Variants in IPO8 observed in about 807,000 individuals in gnomAD.
IPO8 encodes importin 8.
Under a neutral mutation model 141.2 loss-of-function variants are expected in IPO8, and 65 were observed. The observed-to-expected ratio is 0.46, with a 90% CI of 0.38 to 0.57. The LOEUF is 0.57. IPO8 is among the 20% of genes least tolerant of loss of function. IPO8 has a pLI of 0.00. For missense variants in IPO8, 980 were observed against 1,246.8 expected (o/e 0.79, Z 3.22); for synonymous variants, 411 against 420.3 (o/e 0.98, Z 0.27).
At chr12:30,639,849 CTT>C (rs1317195627) in intron 20 of IPO8, 114 bp from the exon 21 acceptor site, 1 of 695,938 alleles carries the variant, frequency 1.4e-6, no homozygotes, top group African/African-American at 1.8e-5. Context: ...GGCAATGAGA[CTT>C]TTGACTAAAT....
chr12:30,666,269 T>C lies in IPO8; in HGVS notation c.1145-18A>G, dbSNP rs758263691. The C allele has an allele frequency of 1.3e-6, 2 of 1,510,654 alleles. No homozygotes were observed. Among genetic ancestry groups the C allele is most frequent in the Non-Finnish European group, 1.8e-6 (2 of 1,105,928 alleles). The allele number at this position is 1,510,654 out of a possible 1,614,324, so 93.6% of individuals were successfully genotyped here. On this transcript the variant is annotated intron_variant, in intron 10 of 24. Transcript: ENST00000256079. ...AAAAATATCTAAGATTTTAAAAGGT[T>C]AAAACCATGTTAGTGAAAATATAAT...
chr12:30,659,172 G>A (rs893252654), intron 16 of IPO8, among the ~76,000 whole-genome samples: 34 of 152,150 alleles, frequency 2.2e-4, no homozygotes, highest in South Asian at 8.3e-4. Context: ...GAGCCACCGC[G>A]CCGGGCCTTA....
rs1042388757 is a variant in IPO8 at position 30,639,669 on chromosome 12, G to A, written c.2335C>T (p.Arg779Cys). The A allele has an allele frequency of 2.5e-6, 4 of 1,614,086 alleles. No individual in the cohort carries two copies. The highest frequency in any genetic ancestry group is 3.4e-6 in the Non-Finnish European group (4 of 1,180,008). The change falls in exon 21 of 25, where the codon CGT (arginine) becomes TGT (cysteine). Residue 779 changes from arginine (R) to cysteine (C), a missense_variant. Arg to Cys is a radical substitution (Grantham distance 180). Around this residue, in one of 3 missense-constraint regions of IPO8, gnomAD observed 924 missense variants for 1,153.9 expected, o/e 0.80. Coordinates refer to ENST00000256079, the MANE Select transcript of IPO8 (RefSeq NM_006390.4). ...LTRGVKTSEL[R>C]TMCLQVAIAA... is the part of the protein sequence containing the mutation. ...ATTGCAACCTGAAGACACATAGTACGAAGCTCACTAGTTTTGACCCCTCGA... is the reference window on the plus strand; with the variant it reads ...ATTGCAACCTGAAGACACATAGTACAAAGCTCACTAGTTTTGACCCCTCGA...
intron 2 of IPO8, among the ~76,000 whole-genome samples, chr12:30,686,921 T>A (rs2053248249): frequency 6.6e-6 from 1 of 152,000 alleles, no homozygotes. Context: ...CCTAAATAAA[T>A]GTACAATGAG....
intron 23 of IPO8, among the ~76,000 whole-genome samples, chr12:30,632,896 C>T (rs1307070882): frequency 1.3e-5 from 2 of 152,224 alleles, no homozygotes; most frequent in Admixed American, 1.3e-4. Flanking sequence ...AGCCCAACTG[C>T]GTTCCTTCAC....
intron 8 of IPO8, among the ~76,000 whole-genome samples, chr12:30,672,945 T>C (rs562412273): frequency 6.6e-6 from 1 of 151,280 alleles, no homozygotes; most frequent in East Asian, 1.9e-4. Context: ...ATGCTGACAA[T>C]AAAGAGCTAT....
intron 2 of IPO8, among the ~76,000 whole-genome samples, chr12:30,690,118 CG>C (rs1337061023): frequency 6.6e-6 from 1 of 152,182 alleles, no homozygotes; most frequent in African/African-American, 2.4e-5. Context: ...TGATTTGCCA[CG>C]TAACAGAGCT....
chr12:30,642,449 T>G (rs2052587476), intron 20 of IPO8, among the ~76,000 whole-genome samples: 1 of 151,996 alleles, frequency 6.6e-6, no homozygotes. Flanking sequence ...AAAAAAGAAT[T>G]ATCTGTGTAC....
intron 10 of IPO8, among the ~76,000 whole-genome samples, chr12:30,666,558 A>C (rs781344558): frequency 1.3e-5 from 2 of 152,194 alleles, no homozygotes; most frequent in Non-Finnish European, 2.9e-5. Flanking sequence ...AACAACAAAA[A>C]TTCACTCAGC....
chr12:30,688,513 C>T, intron 2 of IPO8: 1 of 339,136 alleles, frequency 2.9e-6, no homozygotes, highest in Non-Finnish European at 5.7e-6. Context: ...TCACAACATT[C>T]TTTTTTAAGT....
chr12:30,666,666 T>C (rs2052970137), intron 10 of IPO8, among the ~76,000 whole-genome samples: 1 of 152,138 alleles, frequency 6.6e-6, no homozygotes, highest in Non-Finnish European at 1.5e-5. Flanking sequence ...AGAAACACAT[T>C]ATACATATAT....
chr12:30,695,438 C>T lies in IPO8; in HGVS notation c.84+126G>A. ...GGGGCAGCGGGGTCGGAGAGCGGGA[C>T]CAGCCGTGAGGCGTCAGCCCCAGCC... On this transcript the variant is annotated intron_variant, in intron 1 of 24. Coordinates refer to ENST00000256079, the MANE Select transcript of IPO8 (RefSeq NM_006390.4). The surrounding 1 kb of genome is among the most constrained non-coding windows in gnomAD (Gnocchi z 4.2). 2.7e-6 allele frequency: 2 copies of T among 747,052 alleles called. No homozygotes were observed. Among genetic ancestry groups the T allele is most frequent in the Admixed American group, 2.6e-5 (1 of 38,652 alleles). 46.3% of individuals were successfully genotyped at this position (747,052 alleles called of 1,614,324 possible).
intron 2 of IPO8, among the ~76,000 whole-genome samples, chr12:30,688,961 A>C (rs1418843135): frequency 6.6e-6 from 1 of 152,132 alleles, no homozygotes; most frequent in Non-Finnish European, 1.5e-5. Flanking sequence ...AATAAGCGAA[A>C]TGTCCATCAA....
intron 22 of IPO8, 104 bp downstream of exon 22, chr12:30,636,878 A>C (rs1447274216): frequency 1.0e-6 from 1 of 955,902 alleles, no homozygotes; most frequent in African/African-American, 1.6e-5. Context: ...AGCAGGCCGA[A>C]GAATGTAAAT....
At chr12:30,689,513 T>A (rs1017780556) in intron 2 of IPO8, among the ~76,000 whole-genome samples, 4 of 152,206 alleles carry the variant, frequency 2.6e-5, no homozygotes, top group African/African-American at 9.6e-5. Flanking sequence ...TTTTCTTTTT[T>A]ATCTTAACCA....
At position 30,695,320 on chromosome 12, in the gene IPO8, G is replaced by A. The variant is rs986282545; in HGVS notation, c.84+244C>T. 2.0e-5 allele frequency among the ~76,000 whole-genome samples: 3 copies of A among 152,240 alleles called. No individual in the cohort carries two copies. The highest frequency in any genetic ancestry group is 4.4e-5 in the Non-Finnish European group (3 of 68,040). On this transcript the variant is annotated intron_variant, in intron 1 of 24. Coordinates refer to ENST00000256079, the MANE Select transcript of IPO8 (RefSeq NM_006390.4). This position sits in a 1 kb window ranked among gnomAD's most constrained non-coding sequence, Gnocchi z 4.2. ...CAAGTAGGCAGAACAAACTGCCCTG[G>A]AGAAGGGAGACGACACGAAAAGGTG...
chr12:30,695,188 G>T lies in IPO8; in HGVS notation c.84+376C>A. The stretch of plus-strand genomic sequence containing the variant: ...TTGGAAAAAAGCTGAACTCAGATTT[G>T]AACTGTAAGTAAAATTCCCACCTGC... On this transcript the variant is annotated intron_variant, in intron 1 of 24. Coordinates refer to ENST00000256079, the MANE Select transcript of IPO8 (RefSeq NM_006390.4). The surrounding 1 kb of genome is among the most constrained non-coding windows in gnomAD (Gnocchi z 4.2). 2 of 389,844 alleles carry T rather than the reference G, an allele frequency of 5.1e-6. No homozygotes were observed. Among genetic ancestry groups the T allele is most frequent in the South Asian group, 4.2e-5 (2 of 47,920 alleles). The allele number at this position is 389,844 out of a possible 1,614,324, so 24.1% of individuals were successfully genotyped here.
Position 30,630,861 on chromosome 12 carries a change from C to T in IPO8, c.3113G>A (p.Ter1038=), listed in dbSNP as rs542707730. 81 of 1,609,744 alleles carry T rather than the reference C, an allele frequency of 5.0e-5. No homozygotes were observed. The South Asian group carries it at 8.5e-4, about 17-fold the overall frequency. ...FNFGTVPSNN[*] ...TTTGGTCAGCTGATGTTCTTTCCTT[C>T]AGTTGTTGCTGGGCACAGTCCCAAA... Residue 1038 remains the stop codon, a stop_retained_variant, in exon 25 of 25, where the codon TGA becomes TAA. Transcript: ENST00000256079.
chr12:30,671,198 A>G, intron 8 of IPO8, 102 bp from the exon 9 acceptor site: 1 of 703,970 alleles, frequency 1.4e-6, no homozygotes, highest in Non-Finnish European at 2.4e-6. Flanking sequence ...CCATAGAAAA[A>G]TAAACAGATT....
Sources: gnomAD v4.1 joint callset for allele counts (sites outside exome capture counted in the v4.1 genomes callset) on GRCh38, gnomAD v4.1.1 for gene constraint, gnomAD v4.1.1 regional missense constraint, Gnocchi (gnomAD v3.1) non-coding constraint, MANE v1.5 for transcripts, NCBI Gene and HGNC (gene_info 2026-07-23, HGNC 2026-07-21) for gene names.